The following CIT variants were observed in gnomAD, a reference collection of about 807,000 sequenced individuals.
CIT encodes citron rho-interacting serine/threonine kinase, also known as citron Rho-interacting kinase.
CIT carries 79 observed loss-of-function variants against 272.7 expected under a neutral mutation model. That is an observed-to-expected ratio of 0.29 (90% confidence interval 0.24 to 0.35). The LOEUF is 0.35. Among genes scored for constraint, CIT ranks in the 10% least tolerant of loss-of-function variants. The pLI is 1.00. For missense variants in CIT, 1,909 were observed against 2,618.3 expected (o/e 0.73, Z 5.91); for synonymous variants, 948 against 995.6 (o/e 0.95, Z 0.90).
At chr12:119,871,578 G>A (rs1340612220) in intron 2 of CIT, among the ~76,000 whole-genome samples, 2 of 152,164 alleles carry the variant, frequency 1.3e-5, no homozygotes, top group African/African-American at 4.8e-5. Flanking sequence ...CCCCAGCAGG[G>A]AGAGGTGGCT....
intron 5 of CIT, among the ~76,000 whole-genome samples, chr12:119,842,940 T>C (rs562642824): frequency 6.6e-6 from 1 of 152,308 alleles, no homozygotes; most frequent in South Asian, 2.1e-4. Context: ...ACTCTCCCTT[T>C]ATGGATGAAG....
At chr12:119,716,176 A>G (rs278093) in intron 32 of CIT, among the ~76,000 whole-genome samples, 1 of 151,918 alleles carries the variant, frequency 6.6e-6, no homozygotes, top group Non-Finnish European at 1.5e-5. Flanking sequence ...TCAGGAGTTC[A>G]AGACCAGCCT....
intron 2 of CIT, among the ~76,000 whole-genome samples, chr12:119,869,703 T>C (rs975166018): frequency 1.3e-5 from 2 of 152,290 alleles, no homozygotes; most frequent in East Asian, 3.8e-4. Flanking sequence ...AGTTACAAAC[T>C]GGCAGACTGT....
chr12:119,703,211 T>G (rs777013480), intron 41 of CIT, among the ~76,000 whole-genome samples: 3 of 152,178 alleles, frequency 2.0e-5, no homozygotes, highest in African/African-American at 7.2e-5. Flanking sequence ...GAGGATTTTC[T>G]GCCAGCCTCA....
Position 119,697,608 on chromosome 12 carries a change from T to G in CIT, c.5882+51A>C. The stretch of plus-strand genomic sequence containing the variant: ...GGTTTAGTATCACTTCCTTCTGCCT[T>G]GCAGAAAAGCACGTTGCCCCTGGTA... On this transcript the variant is annotated intron_variant, in intron 46 of 47. Coordinates refer to ENST00000392521, the MANE Select transcript of CIT (RefSeq NM_001206999.2). The surrounding 1 kb of genome is among the most constrained non-coding windows in gnomAD (Gnocchi z 4.9). 6.4e-7 allele frequency: 1 copy of G among 1,555,900 alleles called. No homozygotes were observed. Among genetic ancestry groups the G allele is most frequent in the South Asian group, 1.2e-5 (1 of 86,306 alleles).
chr12:119,737,306 CAAAAAAAAAAAAAAAAAAAAA>C (rs145489542), intron 24 of CIT, among the ~76,000 whole-genome samples: 39 of 24,180 alleles, frequency 1.6e-3, no homozygotes, highest in African/African-American at 2.5e-3. Context: ...GATTCCATCT[CAAAAAAAAAAAAAAAAAAAAA>C]AAAAAAAAAA....
At chr12:119,771,043 A>G in intron 17 of CIT, 133 bp from the exon 18 acceptor site, 1 of 1,021,176 alleles carries the variant, frequency 9.8e-7, no homozygotes, top group South Asian at 1.7e-5. Flanking sequence ...CCGAAGCAAC[A>G]GCAGAGAAAA....
chr12:119,784,192 T>G lies in CIT; in HGVS notation c.1402-141A>C. ...AGTTAAGTTGGGATGGAAATACCAT[T>G]GTTTCTTCGCCCAGGAGCGCACAGT... On this transcript the variant is annotated intron_variant, in intron 11 of 47. Transcript: ENST00000392521. This position sits in a 1 kb window ranked among gnomAD's most constrained non-coding sequence, Gnocchi z 4.7. 1 of 1,607,902 alleles carries G rather than the reference T, an allele frequency of 6.2e-7. No individual in the cohort carries two copies. Among genetic ancestry groups the G allele is most frequent in the Non-Finnish European group, 8.5e-7 (1 of 1,176,420 alleles).
chr12:119,751,636 G>C (rs1960276219), intron 23 of CIT, among the ~76,000 whole-genome samples: 1 of 131,672 alleles, frequency 7.6e-6, no homozygotes, highest in Non-Finnish European at 1.6e-5. Context: ...CATGAGTAAG[G>C]TTAACTAAAA....
chr12:119,836,303 A>T (rs1969011098), intron 5 of CIT, among the ~76,000 whole-genome samples: 1 of 142,144 alleles, frequency 7.0e-6, no homozygotes, highest in South Asian at 2.4e-4. Context: ...AAAAAAAAAA[A>T]AAAAAAAAAA....
Position 119,785,595 on chromosome 12 carries a change from G to A in CIT, c.1296-530C>T, listed in dbSNP as rs534609767. On this transcript the variant is annotated intron_variant, in intron 10 of 47. Coordinates refer to ENST00000392521, the MANE Select transcript of CIT (RefSeq NM_001206999.2). The stretch of plus-strand genomic sequence containing the variant: ...TTTTTTTTCTTGGAAACAGGGTCGC[G>A]TTCTGTTGCCCAGGCTGGAGTGCAG... Among the ~76,000 whole-genome samples, 27 of 151,694 alleles carry A rather than the reference G, an allele frequency of 1.8e-4. 1 individual carries two copies. Among genetic ancestry groups the A allele is most frequent in the Middle Eastern group, 3.4e-3 (1 of 294 alleles).
At chr12:119,725,909 G>A (rs1447039877) in intron 28 of CIT, among the ~76,000 whole-genome samples, 2 of 152,172 alleles carry the variant, frequency 1.3e-5, no homozygotes, top group Non-Finnish European at 1.5e-5. Context: ...GCAGATAAAA[G>A]ACCCTAATTC....
chr12:119,719,490 C>T (rs767096507), intron 30 of CIT, among the ~76,000 whole-genome samples: 13 of 152,116 alleles, frequency 8.5e-5, no homozygotes, highest in Non-Finnish European at 1.6e-4. Context: ...CAGTTCACTG[C>T]TAAAATAAAA....
intron 23 of CIT, among the ~76,000 whole-genome samples, chr12:119,744,872 A>G (rs1959190184): frequency 6.6e-6 from 1 of 152,144 alleles, no homozygotes; most frequent in Non-Finnish European, 1.5e-5. Context: ...CTTGAAGACA[A>G]GTAGAAACAA....
At chr12:119,862,841 GA>G (rs1950393786) in intron 3 of CIT, among the ~76,000 whole-genome samples, 1 of 56,664 alleles carries the variant, frequency 1.8e-5, no homozygotes, top group African/African-American at 7.9e-5. Flanking sequence ...AAAAAAAAAA[GA>G]AAAAACCAAA....
rs1449818367 is a variant in CIT, at chr12:119,710,656, A to G, written c.4855-36T>C. On this transcript the variant is annotated intron_variant, in intron 37 of 47. Coordinates refer to ENST00000392521, the MANE Select transcript of CIT (RefSeq NM_001206999.2). This position sits in a 1 kb window ranked among gnomAD's most constrained non-coding sequence, Gnocchi z 5.6. ...GTGAAAGAAAAGAAAAACAGAAGAC[A>G]TCGTGAGGCTGATCTGTTTATGACC... is the stretch of plus-strand genomic sequence containing the variant. 3 of 1,576,586 alleles carry G rather than the reference A, an allele frequency of 1.9e-6. No homozygotes were observed. Among genetic ancestry groups the G allele is most frequent in the Non-Finnish European group, 1.7e-6 (2 of 1,145,882 alleles).
chr12:119,868,972 C>T lies in CIT; in HGVS notation c.238+88G>A, dbSNP rs980870468. Reference sequence around the variant, plus strand: ...ATAGAACCAGAGTTCTTACCGACTACTATCAACCAGTAACTCATTCTGCCT... The same window carrying T: ...ATAGAACCAGAGTTCTTACCGACTATTATCAACCAGTAACTCATTCTGCCT... On this transcript the variant is annotated intron_variant, in intron 3 of 47. Transcript: ENST00000392521. 4 of 1,492,688 alleles carry T rather than the reference C, an allele frequency of 2.7e-6. No homozygotes were observed. The African/African-American group carries it at 4.2e-5, about 16-fold the overall frequency. The allele number at this position is 1,492,688 out of a possible 1,614,324, so 92.5% of individuals were successfully genotyped here.
intron 25 of CIT, among the ~76,000 whole-genome samples, chr12:119,734,598 C>T (rs1958652433): frequency 6.6e-6 from 1 of 152,060 alleles, no homozygotes; most frequent in Non-Finnish European, 1.5e-5. Flanking sequence ...AAAATCAAGC[C>T]ATTTACATTG....
rs766033223 is a variant in CIT, at chr12:119,690,287, G to A, written c.6050C>T (p.Pro2017Leu). 2 of 1,586,162 alleles carry A rather than the reference G, an allele frequency of 1.3e-6. No individual in the cohort carries two copies. Among genetic ancestry groups the A allele is most frequent in the Middle Eastern group, 1.7e-4 (1 of 6,008 alleles). Residue 2017 changes from proline (P) to leucine (L), a missense_variant, in exon 47 of 48, where the codon CCC (proline) becomes CTC (leucine). This residue lies in a region of CIT where 780 missense variants were observed against 1,067.2 expected (regional missense o/e 0.73). Transcript: ENST00000392521. The surrounding 1 kb of genome is among the most constrained non-coding windows in gnomAD (Gnocchi z 6.0). ...GCCGGGGGACTTCTCTCGCTCCAGG[G>A]GGCGGCCAGGAGACTTGTCCCTGCG... ...ELRRDKSPGR[P>L]LEREKSPGRM...
Sources: allele counts gnomAD v4.1 joint callset (sites outside exome capture counted in the v4.1 genomes callset), GRCh38; gene constraint gnomAD v4.1.1; regional missense constraint gnomAD v4.1.1; non-coding constraint Gnocchi (gnomAD v3.1); transcripts MANE v1.5; gene names NCBI Gene and HGNC (gene_info 2026-07-23, HGNC 2026-07-21).